BACH2: variants seen among roughly 807,000 people sequenced by gnomAD.
The protein encoded by BACH2 is transcription regulator protein BACH2.
A neutral mutation model predicts 61.8 loss-of-function variants in BACH2; 5 were observed. The observed-to-expected ratio is 0.08, with a 90% CI of 0.04 to 0.17. The LOEUF is 0.17. BACH2 is among the 10% of genes least tolerant of loss of function. The pLI is 1.00. For synonymous variants in BACH2, 446 were observed against 440.1 expected (o/e 1.01, Z -0.17); for missense variants, 824 against 1,091.1 (o/e 0.76, Z 3.45).
chr6:90,272,929 C>A (rs1019125960), intron 1 of BACH2, among the ~76,000 whole-genome samples: 2 of 152,218 alleles, frequency 1.3e-5, no homozygotes, highest in Admixed American at 1.3e-4. Flanking sequence ...CTCATCACCC[C>A]TCTAACAAGC....
chr6:89,950,022 C>A lies in BACH2; in HGVS notation c.1836+248G>T. The stretch of plus-strand genomic sequence containing the variant: ...CATTAGACTTCAGTATATTTTTACT[C>A]AGCAGCTTGCCTCTGCTTGTCGAGT... On this transcript the variant is annotated intron_variant, in intron 7 of 8. Coordinates refer to ENST00000257749, the MANE Select transcript of BACH2 (RefSeq NM_021813.4). This position sits in a 1 kb window ranked among gnomAD's most constrained non-coding sequence, Gnocchi z 5.3. 1 of 557,446 alleles carries A rather than the reference C, an allele frequency of 1.8e-6. No homozygotes were observed. The highest frequency in any genetic ancestry group is 3.2e-6 in the Non-Finnish European group (1 of 310,108). The allele number at this position is 557,446 out of a possible 1,614,324, so 34.5% of individuals were successfully genotyped here. A position where few individuals can be genotyped will look rare whatever the true frequency, so the allele number is the denominator to read the frequency against.
intron 4 of BACH2, among the ~76,000 whole-genome samples, chr6:90,126,767 T>C (rs1219479170): frequency 6.6e-6 from 1 of 152,162 alleles, no homozygotes; most frequent in Non-Finnish European, 1.5e-5. Flanking sequence ...TAGAACCAAT[T>C]CTAAAACAGC....
intron 4 of BACH2, among the ~76,000 whole-genome samples, chr6:90,106,279 C>A (rs1782903596): frequency 6.6e-6 from 1 of 152,182 alleles, no homozygotes; most frequent in African/African-American, 2.4e-5. Context: ...GAAAAGCAAA[C>A]TTACACTTTC....
intron 4 of BACH2, among the ~76,000 whole-genome samples, chr6:90,169,168 TAAAAA>T (rs35775210): frequency 5.6e-5 from 8 of 142,022 alleles, no homozygotes; most frequent in Non-Finnish European, 1.1e-4. Context: ...TACTGGTGAT[TAAAAA>T]AAAAAAAAAG....
chr6:90,068,470 C>A (rs1395055636), intron 5 of BACH2, among the ~76,000 whole-genome samples: 1 of 152,120 alleles, frequency 6.6e-6, no homozygotes, highest in Admixed American at 6.5e-5. Context: ...GGGGTGTACA[C>A]AAGGCAAGCA....
intron 4 of BACH2, among the ~76,000 whole-genome samples, chr6:90,183,828 T>C (rs889257066): frequency 1.3e-5 from 2 of 152,230 alleles, no homozygotes; most frequent in Non-Finnish European, 2.9e-5. Flanking sequence ...CAGGACTTCA[T>C]ATCAGCCATG....
intron 4 of BACH2, among the ~76,000 whole-genome samples, chr6:90,130,681 T>C (rs1019191046): frequency 6.6e-6 from 1 of 152,192 alleles, no homozygotes; most frequent in African/African-American, 2.4e-5. Context: ...TGTGAACAGC[T>C]GGTACAGGCC....
rs1336117098 is a variant in BACH2 at position 89,932,749 on chromosome 6, A to G, written c.2185T>C (p.Tyr729His). The G allele has an allele frequency of 6.2e-7, 1 of 1,613,956 alleles. No individual in the cohort carries two copies. Among genetic ancestry groups the G allele is most frequent in the Non-Finnish European group, 8.5e-7 (1 of 1,179,988 alleles). The part of the protein sequence containing the change: ...SPEQIQALHR[Y>H]CPVLRPMDLP... ...TCCATGGGTCTGAGGACAGGGCAAT[A>G]CCGATGCAGGGCCTGGATCTGCTCG... Residue 729 changes from tyrosine (Y) to histidine (H), a missense_variant, in exon 9 of 9, where the codon TAT (tyrosine) becomes CAT (histidine). By Grantham distance (83) the Tyr-to-His change is moderately conservative. Around this residue, in one of 8 missense-constraint regions of BACH2, gnomAD observed 160 missense variants for 283.5 expected, o/e 0.56. Coordinates refer to ENST00000257749, the MANE Select transcript of BACH2 (RefSeq NM_021813.4).
At chr6:90,296,298 T>A in intron 1 of BACH2, among the ~76,000 whole-genome samples, 182 bp downstream of exon 1, 1 of 151,474 alleles carries the variant, frequency 6.6e-6, no homozygotes, top group Admixed American at 6.6e-5. Context: ...TTCCCGTTCC[T>A]AGAAAATGCC....
At chr6:90,134,878 C>T in intron 4 of BACH2, among the ~76,000 whole-genome samples, 1 of 152,136 alleles carries the variant, frequency 6.6e-6, no homozygotes, top group African/African-American at 2.4e-5. Flanking sequence ...GAGGGTCATG[C>T]CTCCCTGTCT....
intron 2 of BACH2, among the ~76,000 whole-genome samples, chr6:90,266,334 T>C (rs1203289229): frequency 6.6e-6 from 1 of 152,114 alleles, no homozygotes; most frequent in Non-Finnish European, 1.5e-5. Context: ...CTAAAGAGCC[T>C]GTAGATGACC....
At chr6:90,201,709 G>A (rs1386696011) in intron 4 of BACH2, among the ~76,000 whole-genome samples, 1 of 152,156 alleles carries the variant, frequency 6.6e-6, no homozygotes, top group Non-Finnish European at 1.5e-5. Flanking sequence ...TCTGACACTA[G>A]AAATTAATAA....
intron 4 of BACH2, among the ~76,000 whole-genome samples, chr6:90,175,877 C>T (rs542769978): frequency 2.3e-4 from 35 of 152,170 alleles, no homozygotes; most frequent in South Asian, 8.3e-4. Flanking sequence ...TATTTCTCTG[C>T]CTTTACTATA....
chr6:90,099,780 TA>T (rs1262163759), intron 4 of BACH2, among the ~76,000 whole-genome samples: 1 of 152,222 alleles, frequency 6.6e-6, no homozygotes, highest in Non-Finnish European at 1.5e-5. Context: ...TATTGAGATA[TA>T]ATCAGCATAT....
intron 4 of BACH2, among the ~76,000 whole-genome samples, chr6:90,136,069 A>C (rs1420549289): frequency 1.3e-5 from 2 of 152,118 alleles, no homozygotes; most frequent in Non-Finnish European, 2.9e-5. Context: ...CTCCAAGGCC[A>C]GTTACCCTTC....
intron 1 of BACH2, among the ~76,000 whole-genome samples, chr6:90,273,221 G>A (rs542374297): frequency 1.3e-5 from 2 of 151,984 alleles, no homozygotes; most frequent in Non-Finnish European, 2.9e-5. Flanking sequence ...AGCCAGGCAT[G>A]GTGGCACACA....
chr6:90,048,204 C>T (rs1446085699), intron 5 of BACH2, among the ~76,000 whole-genome samples: 2 of 152,130 alleles, frequency 1.3e-5, no homozygotes, highest in African/African-American at 2.4e-5. Context: ...TCATAGCTCA[C>T]TGCAGCCTTG....
Position 89,930,158 on chromosome 6 carries a change from CACACACAA to C in BACH2, c.*2242_*2249del, listed in dbSNP as rs1413968073. 1 of 142,612 alleles carries C rather than the reference CACACACAA, an allele frequency of 7.0e-6. No homozygotes were observed. Among genetic ancestry groups the C allele is most frequent in the Non-Finnish European group, 1.6e-5 (1 of 64,476 alleles). The allele number at this position is 142,612 out of a possible 1,614,324, so 8.8% of individuals were successfully genotyped here. A position where few individuals can be genotyped will look rare whatever the true frequency, so the allele number is the denominator to read the frequency against. On this transcript the variant is annotated 3_prime_UTR_variant, in exon 9 of 9. Coordinates refer to ENST00000257749, the MANE Select transcript of BACH2 (RefSeq NM_021813.4). ...ACACACACACACACACACACACACA[CACACACAA>C]ACAAGAAAAAACAAAAACCCAGAGG...
At chr6:90,009,871 G>A (rs938326975) in intron 5 of BACH2, among the ~76,000 whole-genome samples, 9 of 152,068 alleles carry the variant, frequency 5.9e-5, no homozygotes, top group Non-Finnish European at 1.3e-4. Context: ...CACCATCTTG[G>A]CCAGGCTGGT....
Sources: gnomAD v4.1 joint callset for allele counts (sites outside exome capture counted in the v4.1 genomes callset) on GRCh38, gnomAD v4.1.1 for gene constraint, gnomAD v4.1.1 regional missense constraint, Gnocchi (gnomAD v3.1) non-coding constraint, MANE v1.5 for transcripts, NCBI Gene and HGNC (gene_info 2026-07-23, HGNC 2026-07-21) for gene names.